SGPP1: variants seen among roughly 807,000 people sequenced by gnomAD.
SGPP1 encodes hSPP1.
In SGPP1, 21 loss-of-function variants were observed where a neutral mutation model predicts 33.0. The observed-to-expected ratio is 0.64, with a 90% CI of 0.45 to 0.92. The LOEUF is 0.92. Among genes scored for constraint, SGPP1 ranks in the 40% least tolerant of loss-of-function variants. The pLI, the probability that SGPP1 is intolerant of heterozygous loss-of-function variation, is 0.00. For synonymous variants in SGPP1, 239 were observed against 241.2 expected (o/e 0.99, Z 0.08); for missense variants, 543 against 589.4 (o/e 0.92, Z 0.81).
chr14:63,707,468 C>T (rs1239748519), intron 1 of SGPP1, among the ~76,000 whole-genome samples: 3 of 152,070 alleles, frequency 2.0e-5, no homozygotes, highest in Non-Finnish European at 2.9e-5. Context: ...GATTGCCTCT[C>T]CAGAAACCAA....
intron 1 of SGPP1, among the ~76,000 whole-genome samples, chr14:63,704,205 C>G (rs1885360948): frequency 6.6e-6 from 1 of 152,048 alleles, no homozygotes; most frequent in Non-Finnish European, 1.5e-5. Flanking sequence ...GCAAAAGGTC[C>G]TGAAGAGCCA....
Position 63,684,648 on chromosome 14 carries a change from G to A in SGPP1, c.*1457C>T, listed in dbSNP as rs45487994. The A allele has an allele frequency of 5.5e-3, 838 of 152,508 alleles. 6 individuals are homozygous for A. The highest frequency in any genetic ancestry group is 8.8e-3 in the Non-Finnish European group (597 of 67,886). The allele number at this position is 152,508 out of a possible 1,614,324, so 9.4% of individuals were successfully genotyped here. ...AGTTCTGGATAATCATACAGATATT[G>A]CACTAAAATCAGTAATTTCATACCT... On this transcript the variant is annotated 3_prime_UTR_variant, in exon 3 of 3. Transcript: ENST00000247225.
chr14:63,699,920 T>G (rs1222996363), intron 1 of SGPP1, among the ~76,000 whole-genome samples: 1 of 152,138 alleles, frequency 6.6e-6, no homozygotes, highest in African/African-American at 2.4e-5. Context: ...CTTTAAACAT[T>G]AGTATACAGA....
At chr14:63,701,751 TAG>T (rs1885303614) in intron 1 of SGPP1, among the ~76,000 whole-genome samples, 1 of 152,004 alleles carries the variant, frequency 6.6e-6, no homozygotes. Flanking sequence ...AGCTGCTATG[TAG>T]AGATTAAATT....
At chr14:63,700,209 A>AT (rs1885268276) in intron 1 of SGPP1, among the ~76,000 whole-genome samples, 1 of 151,914 alleles carries the variant, frequency 6.6e-6, no homozygotes, top group Non-Finnish European at 1.5e-5. Context: ...CCCCTTTCTT[A>AT]TTTTTTTAAC....
intron 2 of SGPP1, among the ~76,000 whole-genome samples, chr14:63,696,780 G>C (rs930803681): frequency 2.0e-5 from 3 of 152,182 alleles, no homozygotes; most frequent in African/African-American, 7.2e-5. Context: ...GAGGTCAGGA[G>C]TCTGAGACCA....
intron 1 of SGPP1, 56 bp downstream of exon 1, chr14:63,727,205 A>G (rs966849534): frequency 6.6e-7 from 1 of 1,518,662 alleles, no homozygotes; most frequent in Non-Finnish European, 8.8e-7. Context: ...GAGAGCAAAG[A>G]GAACTCCGAG....
In SGPP1 at chr14:63,686,287, C is replaced by T. The variant is rs1299563448; in HGVS notation, c.1144G>A (p.Val382Ile). 1.9e-6 allele frequency: 3 copies of T among 1,614,118 alleles called. No individual in the cohort carries two copies. The highest frequency in any genetic ancestry group is 2.5e-6 in the Non-Finnish European group (3 of 1,180,008). Residue 382 changes from valine to isoleucine, a missense_variant, in exon 3 of 3, where the codon GTA becomes ATA. Transcript: ENST00000247225. ...AAAGGAATGGTGATCTTTTTCATTA[C>T]ATCTCTGATTATTAGTACAAATACC... The part of the protein sequence containing the change: ...GMVFVLIIRD[V>I]MKKITIPLAC...
chr14:63,709,075 C>T (rs1484521021), intron 1 of SGPP1, among the ~76,000 whole-genome samples: 1 of 152,132 alleles, frequency 6.6e-6, no homozygotes. Flanking sequence ...TAGAAGAGAG[C>T]TTAAAGATAC....
At chr14:63,717,760 G>C (rs1406544656) in intron 1 of SGPP1, among the ~76,000 whole-genome samples, 2 of 152,050 alleles carry the variant, frequency 1.3e-5, no homozygotes, top group African/African-American at 4.8e-5. Flanking sequence ...CAAAGCAGAA[G>C]AAATACAAAG....
chr14:63,727,350 T>C lies in SGPP1; in HGVS notation c.595A>G (p.Asn199Asp). The C allele has an allele frequency of 6.2e-7, 1 of 1,614,106 alleles. No individual in the cohort carries two copies. The highest frequency in any genetic ancestry group is 8.5e-7 in the Non-Finnish European group (1 of 1,180,018). Reference sequence around the variant, plus strand: ...GTGGAGGGCATGCTGTACTCAGAGTTGTAGAAGACCTCCAACTTGACCACG... The same window carrying C: ...GTGGAGGGCATGCTGTACTCAGAGTCGTAGAAGACCTCCAACTTGACCACG... ...PPVVKLEVFY[N>D]SEYSMPSTHA... The change falls in exon 1 of 3, where the codon AAC becomes GAC. Residue 199 changes from asparagine (N) to aspartate (D), a missense_variant. Physicochemically the swap from Asn to Asp is conservative, Grantham distance 23. Coordinates refer to ENST00000247225, the MANE Select transcript of SGPP1 (RefSeq NM_030791.4).
intron 2 of SGPP1, among the ~76,000 whole-genome samples, chr14:63,693,171 G>A (rs1885120542): frequency 6.6e-6 from 1 of 152,218 alleles, no homozygotes; most frequent in African/African-American, 2.4e-5. Context: ...GGGCTCAAGT[G>A]ATCCACCCGC....
chr14:63,709,771 T>C (rs1194821317), intron 1 of SGPP1, among the ~76,000 whole-genome samples: 1 of 152,204 alleles, frequency 6.6e-6, no homozygotes, highest in East Asian at 1.9e-4. Flanking sequence ...CATGACATCC[T>C]AGATGTTTTT....
rs1476989173 is a variant in SGPP1 at position 63,684,219 on chromosome 14, A to T, written c.*1886T>A. On this transcript the variant is annotated 3_prime_UTR_variant, in exon 3 of 3. Coordinates refer to ENST00000247225, the MANE Select transcript of SGPP1 (RefSeq NM_030791.4). ...AACAAAACAAAGCAAAACCTTCTTT[A>T]ATCTTCAATTTGGCTTTTATTTTAA... 1 of 152,168 alleles carries T rather than the reference A, an allele frequency of 6.6e-6. No homozygotes were observed. The highest frequency in any genetic ancestry group is 6.5e-5 in the Admixed American group (1 of 15,284). 9.4% of individuals were successfully genotyped at this position (152,168 alleles called of 1,614,324 possible).
intron 1 of SGPP1, among the ~76,000 whole-genome samples, chr14:63,719,248 G>C (rs189308948): frequency 6.7e-6 from 1 of 150,004 alleles, no homozygotes; most frequent in Non-Finnish European, 1.5e-5. Context: ...CGGCTGATCC[G>C]CCCACCTCAG....
chr14:63,701,948 T>TAAAAA (rs1251022184), intron 1 of SGPP1, among the ~76,000 whole-genome samples: 1 of 107,408 alleles, frequency 9.3e-6, no homozygotes, highest in African/African-American at 3.4e-5. Flanking sequence ...CCAAAAGAAG[T>TAAAAA]AAAAAAAAAA....
Position 63,686,209 on chromosome 14 carries a change from G to T in SGPP1, c.1222C>A (p.His408Asn). 2 of 1,613,962 alleles carry T rather than the reference G, an allele frequency of 1.2e-6. No individual in the cohort carries two copies. Among genetic ancestry groups the T allele is most frequent in the Non-Finnish European group, 1.7e-6 (2 of 1,179,864 alleles). The change falls in exon 3 of 3, where the codon CAC becomes AAC. Residue 408 changes from histidine (H) to asparagine (N), a missense_variant. His to Asn is a moderately conservative substitution (Grantham distance 68). Coordinates refer to ENST00000247225, the MANE Select transcript of SGPP1 (RefSeq NM_030791.4). Reference protein sequence around the residue: ...PCDDIRKARQHMEVELPYRYI... With the variant: ...PCDDIRKARQNMEVELPYRYI... ...CGATAAGGAAGTTCAACTTCCATGTGCTGTCTTGCTTTTCGAATATCATCA... is the reference window on the plus strand; with the variant it reads ...CGATAAGGAAGTTCAACTTCCATGTTCTGTCTTGCTTTTCGAATATCATCA...
At chr14:63,723,758 C>A (rs1885823418) in intron 1 of SGPP1, among the ~76,000 whole-genome samples, 1 of 152,024 alleles carries the variant, frequency 6.6e-6, no homozygotes, top group African/African-American at 2.4e-5. Context: ...TTCAAAGAAG[C>A]TGAGACAGCA....
intron 1 of SGPP1, among the ~76,000 whole-genome samples, chr14:63,717,241 C>CT (rs1170854120): frequency 2.9e-5 from 4 of 136,512 alleles, no homozygotes; most frequent in African/African-American, 1.2e-4. Flanking sequence ...AGCAAAAATG[C>CT]TTAAAAAAAA....
Sources: gnomAD v4.1 joint callset for allele counts (sites outside exome capture counted in the v4.1 genomes callset) on GRCh38, gnomAD v4.1.1 for gene constraint, MANE v1.5 for transcripts, NCBI Gene and HGNC (gene_info 2026-07-23, HGNC 2026-07-21) for gene names.